MTOR: variants seen among roughly 807,000 people sequenced by gnomAD.
MTOR encodes the protein serine/threonine-protein kinase mTOR.
MTOR carries 70 observed loss-of-function variants against 319.8 expected under a neutral mutation model. The ratio of observed to expected loss-of-function variants is 0.22; its 90% confidence interval spans 0.18 to 0.27. The LOEUF is 0.27. MTOR is among the 10% of genes least tolerant of loss of function. The pLI is 1.00. For missense variants in MTOR, 1,890 were observed against 3,274.4 expected (o/e 0.58, Z 10.32); for synonymous variants, 1,183 against 1,211.4 (o/e 0.98, Z 0.49).
intron 29 of MTOR, among the ~76,000 whole-genome samples, chr1:11,161,110 T>C (rs942322763): frequency 3.3e-5 from 5 of 152,224 alleles, no homozygotes; most frequent in African/African-American, 1.2e-4. Context: ...TCCAACGGTC[T>C]TAGCAAATGG....
At chr1:11,158,502 G>C (rs897381759) in intron 29 of MTOR, among the ~76,000 whole-genome samples, 1 of 152,128 alleles carries the variant, frequency 6.6e-6, no homozygotes, top group Non-Finnish European at 1.5e-5. Flanking sequence ...TAATTCTGCT[G>C]CCATAAAGTC....
At chr1:11,222,201 T>A (rs566284146) in intron 19 of MTOR, among the ~76,000 whole-genome samples, 4,712 of 144,420 alleles carry the variant, frequency 0.033, 173 homozygotes, top group African/African-American at 0.079. Context: ...TTAAAAAAAA[T>A]TTTTTTTTTT....
chr1:11,164,284 G>A lies in MTOR; in HGVS notation c.4329+3158C>T, dbSNP rs151182700. 5.9e-3 allele frequency among the ~76,000 whole-genome samples: 849 copies of A among 143,910 alleles called. 7 individuals carry two copies. Among genetic ancestry groups the A allele is most frequent in the African/African-American group, 0.02 (767 of 38,488 alleles). The allele number at this position is 143,910 out of a possible 152,430, so 94.4% of individuals were successfully genotyped here. On this transcript the variant is annotated intron_variant, in intron 29 of 57. Coordinates refer to ENST00000361445, the MANE Select transcript of MTOR (RefSeq NM_004958.4). ...TGGGAGGCGGAGCTTGTAGTGAGCC[G>A]AGATCATGCCACTGCACTCCAGCCT...
intron 6 of MTOR, among the ~76,000 whole-genome samples, chr1:11,252,308 A>AT (rs1649803059): frequency 1.3e-5 from 2 of 151,470 alleles, no homozygotes; most frequent in Admixed American, 6.6e-5. Flanking sequence ...AGTTAAAAAA[A>AT]TTTTTTTGTA....
intron 18 of MTOR, among the ~76,000 whole-genome samples, chr1:11,229,433 C>A (rs549961471): frequency 5.9e-5 from 9 of 152,184 alleles, no homozygotes; most frequent in African/African-American, 2.2e-4. Context: ...GGTATACTAA[C>A]ATGAAGAGTG....
At chr1:11,138,478 C>T (rs776427381) in intron 36 of MTOR, among the ~76,000 whole-genome samples, 32 of 152,180 alleles carry the variant, frequency 2.1e-4, no homozygotes, top group Non-Finnish European at 4.0e-4. Flanking sequence ...TAAAATTAGT[C>T]AATTTCTAGA....
At position 11,210,870 on chromosome 1, in the gene MTOR, C is replaced by G. The variant is rs535187882; in HGVS notation, c.3598G>C (p.Val1200Leu). 1 of 1,613,498 alleles carries G rather than the reference C, an allele frequency of 6.2e-7. No individual in the cohort carries two copies. Among genetic ancestry groups the G allele is most frequent in the African/African-American group, 1.3e-5 (1 of 74,832 alleles). Residue 1200 changes from valine to leucine, a missense_variant, in exon 24 of 58, where the codon GTG becomes CTG. Transcript: ENST00000361445. ...CGCTGATGATTGATTCGGTGTCGCA[C>G]CAGAACTTTATTCACCATTGGAATG... ...IFIPMVNKVLVRHRINHQRYD... is the reference protein window; with the variant it reads ...IFIPMVNKVLLRHRINHQRYD...
At chr1:11,135,662 GTC>G in intron 36 of MTOR, among the ~76,000 whole-genome samples, 1 of 146,590 alleles carries the variant, frequency 6.8e-6, no homozygotes, top group African/African-American at 2.5e-5. Flanking sequence ...GGTGAAACCT[GTC>G]TCTACCAAAA....
chr1:11,243,967 C>A (rs1227560999), intron 8 of MTOR, among the ~76,000 whole-genome samples: 1 of 151,804 alleles, frequency 6.6e-6, no homozygotes, highest in Non-Finnish European at 1.5e-5. Flanking sequence ...CCGCACTGAG[C>A]CAAGAGCCAT....
chr1:11,197,919 A>C (rs1439471014), intron 28 of MTOR, among the ~76,000 whole-genome samples: 1 of 152,244 alleles, frequency 6.6e-6, no homozygotes, highest in Non-Finnish European at 1.5e-5. Flanking sequence ...ATATTTGCTT[A>C]CAAAGCTAAA....
chr1:11,155,335 T>C (rs1005246083), intron 30 of MTOR, among the ~76,000 whole-genome samples: 13 of 152,056 alleles, frequency 8.5e-5, no homozygotes, highest in African/African-American at 3.1e-4. Context: ...TCAATGTACA[T>C]CCCTGTGATG....
chr1:11,107,258 C>T lies in MTOR; in HGVS notation c.*227G>A. 1.4e-6 allele frequency: 2 copies of T among 1,436,440 alleles called. No individual in the cohort carries two copies. The highest frequency in any genetic ancestry group is 1.5e-5 in the South Asian group (1 of 68,294). 89.0% of individuals were successfully genotyped at this position (1,436,440 alleles called of 1,614,324 possible). A position where few individuals can be genotyped will look rare whatever the true frequency, so the allele number is the denominator to read the frequency against. ...TGATTTACGTGGTATTACTATGTTTCACTGTCCTGGGAACCAAATCAAGCC... is the reference window on the plus strand; with the variant it reads ...TGATTTACGTGGTATTACTATGTTTTACTGTCCTGGGAACCAAATCAAGCC... On this transcript the variant is annotated 3_prime_UTR_variant, in exon 58 of 58. Coordinates refer to ENST00000361445, the MANE Select transcript of MTOR (RefSeq NM_004958.4).
intron 53 of MTOR, among the ~76,000 whole-genome samples, chr1:11,113,197 G>A (rs377578678): frequency 6.6e-5 from 10 of 152,324 alleles, no homozygotes; most frequent in Middle Eastern, 3.4e-3. Context: ...AGCTCTTTTG[G>A]TGAACATCCC....
rs371450733 is a variant in MTOR, at chr1:11,240,529, C to T, written c.1560G>A (p.Val520=). 5 of 1,613,982 alleles carry T rather than the reference C, an allele frequency of 3.1e-6. No individual in the cohort carries two copies. Among genetic ancestry groups the T allele is most frequent in the African/African-American group, 1.3e-5 (1 of 74,930 alleles). ...GAATCTGACGGCTCAGGTCGTAGAG[C>T]ACTGCAGTGAGGGCAGGGCTGAGGG... ...AVGLSPALTA[V]LYDLSRQIPQ... is the part of the protein sequence containing the mutation. Residue 520 remains valine, a synonymous_variant, in exon 11 of 58, where the codon GTG becomes GTA. Coordinates refer to ENST00000361445, the MANE Select transcript of MTOR (RefSeq NM_004958.4).
chr1:11,213,425 T>A lies in MTOR; in HGVS notation c.3259A>T (p.Ser1087Cys). Residue 1087 changes from serine to cysteine, a missense_variant, in exon 21 of 58, where the codon AGC becomes TGC. Transcript: ENST00000361445. Reference sequence around the variant, plus strand: ...TTGATAGAGACAATGCGGCCTGGGCTGTTGTCATGCATGAAGACACGCAGC... The same window carrying A: ...TTGATAGAGACAATGCGGCCTGGGCAGTTGTCATGCATGAAGACACGCAGC... ...HMLRVFMHDN[S>C]PGRIVSIKLL... The A allele has an allele frequency of 1.2e-6, 2 of 1,613,012 alleles. No homozygotes were observed. The highest frequency in any genetic ancestry group is 1.7e-6 in the Non-Finnish European group (2 of 1,179,956).
Position 11,257,345 on chromosome 1 carries a change from G to A in MTOR, c.272-180C>T, listed in dbSNP as rs181440999. ...GAGCTCAGGAGTTTGAGACCAGCCT[G>A]GGCAACATGGTGAAACCCCGTCTCT... On this transcript the variant is annotated intron_variant, in intron 3 of 57. Coordinates refer to ENST00000361445, the MANE Select transcript of MTOR (RefSeq NM_004958.4). Among the ~76,000 whole-genome samples the A allele has an allele frequency of 0.017, 2,478 of 148,814 alleles. 50 individuals carry two copies. Among genetic ancestry groups the A allele is most frequent in the South Asian group, 0.063 (296 of 4,688 alleles).
chr1:11,233,567 C>G, intron 14 of MTOR, 80 bp from the exon 15 acceptor site: 1 of 1,064,580 alleles, frequency 9.4e-7, no homozygotes, highest in South Asian at 1.3e-5. Context: ...AAAATTCACC[C>G]AAGAGACCAT....
At chr1:11,145,115 A>G in intron 32 of MTOR, 70 bp from the exon 33 acceptor site, 1 of 1,284,666 alleles carries the variant, frequency 7.8e-7, no homozygotes, top group Non-Finnish European at 1.1e-6. Flanking sequence ...GGGCACCCCA[A>G]CTAGCTACAG....
intron 4 of MTOR, 140 bp from the exon 5 acceptor site, chr1:11,256,332 G>A: frequency 2.1e-6 from 3 of 1,445,124 alleles, no homozygotes; most frequent in Non-Finnish European, 2.7e-6. Context: ...AAATTCTGAG[G>A]ACAGAGGAAG....
Sources: gnomAD v4.1 joint callset for allele counts (sites outside exome capture counted in the v4.1 genomes callset) on GRCh38, gnomAD v4.1.1 for gene constraint, MANE v1.5 for transcripts, NCBI Gene and HGNC (gene_info 2026-07-23, HGNC 2026-07-21) for gene names.